Variants in TRAF3 observed in about 807,000 individuals in gnomAD.
The protein encoded by TRAF3 is TNF receptor associated factor 3, also known as TNF receptor-associated factor 3.
In TRAF3, 13 loss-of-function variants were observed where a neutral mutation model predicts 62.3. The observed-to-expected ratio is 0.21, with a 90% CI of 0.14 to 0.33. The LOEUF is 0.33. Among genes scored for constraint, TRAF3 ranks in the 10% least tolerant of loss-of-function variants. The probability of loss-of-function intolerance (pLI) is 1.00; values close to 1 mark genes in which losing one functional copy is unlikely to be tolerated. For synonymous variants in TRAF3, 269 were observed against 283.4 expected, an observed-to-expected ratio of 0.95 and a Z score of 0.51; for missense variants, 440 against 741.8, an observed-to-expected ratio of 0.59 and a Z score of 4.73.
intron 1 of TRAF3, among the ~76,000 whole-genome samples, chr14:102,827,434 G>T (rs1277794716): frequency 2.0e-5 from 3 of 152,218 alleles, no homozygotes; most frequent in Admixed American, 1.3e-4. Flanking sequence ...TGAGACTTAA[G>T]TGTAAACACA....
At chr14:102,795,015 T>TA (rs1015865693) in intron 1 of TRAF3, among the ~76,000 whole-genome samples, 3 of 152,158 alleles carry the variant, frequency 2.0e-5, no homozygotes, top group Non-Finnish European at 4.4e-5. Context: ...TCTCTGTTCT[T>TA]AAAAAAAGCT....
intron 1 of TRAF3, among the ~76,000 whole-genome samples, chr14:102,786,058 T>C (rs1897485266): frequency 6.6e-6 from 1 of 152,202 alleles, no homozygotes; most frequent in African/African-American, 2.4e-5. Flanking sequence ...ATTTCTGCAG[T>C]CTGGTCTATG....
At chr14:102,824,672 C>T (rs1900189827) in intron 1 of TRAF3, among the ~76,000 whole-genome samples, 1 of 152,198 alleles carries the variant, frequency 6.6e-6, no homozygotes, top group Non-Finnish European at 1.5e-5. Flanking sequence ...CCATAGTTTG[C>T]ATCAAATTCA....
rs370725073 is a variant in TRAF3 at position 102,905,721 on chromosome 14, T to C, written c.1644T>C (p.Tyr548=). 6 of 1,612,414 alleles carry C rather than the reference T, an allele frequency of 3.7e-6. No homozygotes were observed. The highest frequency in any genetic ancestry group is 2.2e-5 in the South Asian group (2 of 90,958). ...VAQTVLENGT[Y]IKDDTIFIKV... is the part of the protein sequence containing the mutation. ...AAACTGTTCTAGAAAATGGGACATA[T>C]ATTAAAGATGATACAATTTTTATTA... Residue 548 remains tyrosine (Y), a synonymous_variant, in exon 12 of 12, where the codon TAT becomes TAC. Coordinates refer to ENST00000392745, the MANE Select transcript of TRAF3 (RefSeq NM_145725.3).
chr14:102,798,972 C>T (rs1415310286), intron 1 of TRAF3, among the ~76,000 whole-genome samples: 1 of 152,070 alleles, frequency 6.6e-6, no homozygotes, highest in Non-Finnish European at 1.5e-5. Context: ...TTATCAAAAG[C>T]TAATACCGAG....
chr14:102,880,933 C>T (rs780488555), intron 6 of TRAF3, among the ~76,000 whole-genome samples: 1 of 151,978 alleles, frequency 6.6e-6, no homozygotes, highest in Non-Finnish European at 1.5e-5. Flanking sequence ...CAAAATGAGC[C>T]GGGTGTGGTG....
In TRAF3 at chr14:102,903,733, A is replaced by C; in HGVS notation, c.1135+304A>C. 1 of 530,706 alleles carries C rather than the reference A, an allele frequency of 1.9e-6. No homozygotes were observed. The allele number at this position is 530,706 out of a possible 1,614,324, so 32.9% of individuals were successfully genotyped here. The stretch of plus-strand genomic sequence containing the variant: ...AGAGACTGGCCGCAGGGTGACCCAC[A>C]GGACAGGCCCAAGCGCAGATGGCAG... On this transcript the variant is annotated intron_variant, in intron 11 of 11. Coordinates refer to ENST00000392745, the MANE Select transcript of TRAF3 (RefSeq NM_145725.3). The surrounding 1 kb of genome is among the most constrained non-coding windows in gnomAD (Gnocchi z 6.4).
chr14:102,845,608 CA>C (rs1189371320), intron 2 of TRAF3, among the ~76,000 whole-genome samples: 2 of 151,364 alleles, frequency 1.3e-5, no homozygotes, highest in Non-Finnish European at 2.9e-5. Flanking sequence ...CTCTGCCTCG[CA>C]GGTTCATGCC....
chr14:102,853,270 C>G (rs1887155948), intron 2 of TRAF3, among the ~76,000 whole-genome samples: 1 of 151,950 alleles, frequency 6.6e-6, no homozygotes, highest in Admixed American at 6.6e-5. Context: ...CCTGGTACTT[C>G]AAGCAGTCCT....
rs763625789 is a variant in TRAF3 at position 102,889,542 on chromosome 14, G to A, written c.652-18G>A. On this transcript the variant is annotated intron_variant, in intron 7 of 11. Coordinates refer to ENST00000392745, the MANE Select transcript of TRAF3 (RefSeq NM_145725.3). ...TGCAAACGTTTGTGCCACAACTCAC[G>A]TCTCTTTCCCGTTGCAGTTGAGTGC... The A allele has an allele frequency of 7.8e-5, 126 of 1,613,764 alleles. No individual in the cohort carries two copies. The highest frequency in any genetic ancestry group is 9.7e-5 in the Non-Finnish European group (114 of 1,179,854).
chr14:102,866,850 AACACACACACACACACACAC>A (rs538121314), intron 2 of TRAF3, among the ~76,000 whole-genome samples: 1 of 132,226 alleles, frequency 7.6e-6, no homozygotes, highest in South Asian at 2.4e-4. Context: ...ATCTCTTGAA[AACACACACACACACACACAC>A]ACACACACAC....
At chr14:102,901,469 C>T (rs956764120) in intron 10 of TRAF3, among the ~76,000 whole-genome samples, 8 of 152,178 alleles carry the variant, frequency 5.3e-5, no homozygotes, top group African/African-American at 1.4e-4. Flanking sequence ...GGTGGAGATG[C>T]GAGAGGCTTC....
intron 2 of TRAF3, among the ~76,000 whole-genome samples, chr14:102,847,177 T>C (rs1211431799): frequency 7.2e-5 from 11 of 152,194 alleles, no homozygotes; most frequent in Non-Finnish European, 1.5e-4. Context: ...GAAATTTCAT[T>C]TTTATTTATT....
At chr14:102,878,070 A>C (rs1453748275) in intron 6 of TRAF3, among the ~76,000 whole-genome samples, 4 of 152,200 alleles carry the variant, frequency 2.6e-5, no homozygotes, top group African/African-American at 7.2e-5. Context: ...AACATTTTCC[A>C]TTGCCTTGAT....
At chr14:102,784,571 C>G (rs1897406832) in intron 1 of TRAF3, among the ~76,000 whole-genome samples, 1 of 152,174 alleles carries the variant, frequency 6.6e-6, no homozygotes, top group Non-Finnish European at 1.5e-5. Context: ...ATTATTGAAT[C>G]ACCCACACTT....
intron 1 of TRAF3, among the ~76,000 whole-genome samples, chr14:102,778,882 C>T (rs1053804888): frequency 1.3e-5 from 2 of 152,152 alleles, no homozygotes; most frequent in African/African-American, 4.8e-5. Context: ...TTGAAAATGG[C>T]CTGTGAACAG....
chr14:102,884,475 A>G lies in TRAF3; in HGVS notation c.571-1714A>G, dbSNP rs1440115247. 2.0e-5 allele frequency among the ~76,000 whole-genome samples: 3 copies of G among 152,308 alleles called. No individual in the cohort carries two copies. In the East Asian group the frequency reaches 5.8e-4, roughly 29 times the overall value. On this transcript the variant is annotated intron_variant, in intron 6 of 11. Coordinates refer to ENST00000392745, the MANE Select transcript of TRAF3 (RefSeq NM_145725.3). ...AAAATGCCTTTTCACAGGAAAAGAA[A>G]TAGAAATGATTAATAGAGAAATAGA...
At chr14:102,901,610 G>A (rs77883136) in intron 10 of TRAF3, among the ~76,000 whole-genome samples, 3,095 of 152,274 alleles carry the variant, frequency 0.02, 99 homozygotes, top group African/African-American at 0.069. Flanking sequence ...TAAAGGGACA[G>A]TGACAGTGTC....
intron 1 of TRAF3, among the ~76,000 whole-genome samples, chr14:102,810,281 G>A (rs1426169231): frequency 6.6e-6 from 1 of 152,140 alleles, no homozygotes; most frequent in African/African-American, 2.4e-5. Flanking sequence ...GGGAGAGAGA[G>A]TATAGATACT....
Sources: allele counts gnomAD v4.1 joint callset (sites outside exome capture counted in the v4.1 genomes callset), GRCh38; gene constraint gnomAD v4.1.1; non-coding constraint Gnocchi (gnomAD v3.1); transcripts MANE v1.5; gene names NCBI Gene and HGNC (gene_info 2026-07-23, HGNC 2026-07-21).